MDGA2: variants seen among roughly 807,000 people sequenced by gnomAD.
MDGA2 encodes MAM domain containing glycosylphosphatidylinositol anchor 2.
A neutral mutation model predicts 117.8 loss-of-function variants in MDGA2; 40 were observed. That is an observed-to-expected ratio of 0.34 (90% CI 0.26 to 0.44). MDGA2 has a LOEUF of 0.44. Among genes scored for constraint, MDGA2 ranks in the 20% least tolerant of loss-of-function variants. The pLI is 1.00. For missense variants in MDGA2, 1,123 were observed against 1,250.6 expected (o/e 0.90, Z 1.54); for synonymous variants, 452 against 439.0 (o/e 1.03, Z -0.37).
At position 47,254,311 on chromosome 14, in the gene MDGA2, T is replaced by C. The variant is rs114745773; in HGVS notation, c.421-36116A>G. On this transcript the variant is annotated intron_variant, in intron 2 of 16. Transcript: ENST00000399232. ...TGTCAGGGTGCAAATTTTCCAAAAT[T>C]TTATGCTGTGTTTCCTCTTGAATGC... Among the ~76,000 whole-genome samples the C allele has an allele frequency of 4.0e-3, 604 of 152,294 alleles. 7 individuals are homozygous for C. Among genetic ancestry groups the C allele is most frequent in the African/African-American group, 0.014 (591 of 41,578 alleles).
chr14:47,189,964 C>T (rs1157648863), intron 3 of MDGA2, among the ~76,000 whole-genome samples: 5 of 152,130 alleles, frequency 3.3e-5, no homozygotes, highest in Non-Finnish European at 7.4e-5. Flanking sequence ...CTTTTGATTA[C>T]TTCTCCAGAA....
chr14:47,652,523 C>T (rs1288832871), intron 1 of MDGA2, among the ~76,000 whole-genome samples: 1 of 152,024 alleles, frequency 6.6e-6, no homozygotes, highest in Non-Finnish European at 1.5e-5. Context: ...CTGATTTGTT[C>T]AAGTTATAAT....
Position 47,256,329 on chromosome 14 carries a change from C to T in MDGA2, c.421-38134G>A, listed in dbSNP as rs984276793. ...TCAAAAAATAAAATATTCAATATGC[C>T]TGCCCCTAAATGTCTTTCCGTCACT... On this transcript the variant is annotated intron_variant, in intron 2 of 16. Coordinates refer to ENST00000399232, the MANE Select transcript of MDGA2 (RefSeq NM_001113498.3). 4.7e-4 allele frequency among the ~76,000 whole-genome samples: 71 copies of T among 151,968 alleles called. 1 individual carries two copies. Among genetic ancestry groups the T allele is most frequent in the African/African-American group, 1.6e-3 (67 of 41,358 alleles).
At chr14:47,287,821 G>A (rs1888739356) in intron 2 of MDGA2, among the ~76,000 whole-genome samples, 1 of 152,094 alleles carries the variant, frequency 6.6e-6, no homozygotes, top group Non-Finnish European at 1.5e-5. Flanking sequence ...GGAATAGAGT[G>A]AGCCCTTAAT....
At chr14:47,285,028 T>C (rs1434402848) in intron 2 of MDGA2, among the ~76,000 whole-genome samples, 1 of 152,192 alleles carries the variant, frequency 6.6e-6, no homozygotes, top group Non-Finnish European at 1.5e-5. Flanking sequence ...TTACCAACTC[T>C]ATTAACTAAC....
intron 7 of MDGA2, among the ~76,000 whole-genome samples, chr14:47,037,237 G>A (rs1888887847): frequency 6.6e-6 from 1 of 152,176 alleles, no homozygotes; most frequent in African/African-American, 2.4e-5. Context: ...CCTACTATGT[G>A]ACAGGCACAA....
At chr14:47,102,052 T>G (rs1358015491) in intron 5 of MDGA2, among the ~76,000 whole-genome samples, 1 of 152,134 alleles carries the variant, frequency 6.6e-6, no homozygotes. Flanking sequence ...TGCCGCTACC[T>G]AACATAATAG....
chr14:46,949,337 G>A (rs768793762), intron 9 of MDGA2, among the ~76,000 whole-genome samples: 8 of 151,936 alleles, frequency 5.3e-5, no homozygotes, highest in Non-Finnish European at 4.4e-5. Flanking sequence ...GCTGTAATTT[G>A]ATACTGTGAT....
intron 1 of MDGA2, among the ~76,000 whole-genome samples, chr14:47,560,250 T>G (rs1440543595): frequency 2.0e-5 from 3 of 151,956 alleles, no homozygotes; most frequent in Non-Finnish European, 4.4e-5. Context: ...TTTTTGCATT[T>G]TTAGTAGAAA....
At chr14:46,923,103 G>A (rs1173977054) in intron 9 of MDGA2, among the ~76,000 whole-genome samples, 7 of 152,142 alleles carry the variant, frequency 4.6e-5, no homozygotes, top group Admixed American at 4.6e-4. Flanking sequence ...ATGATCTTGT[G>A]AGTAATATGA....
chr14:47,656,553 T>A (rs1187727526), intron 1 of MDGA2, among the ~76,000 whole-genome samples: 9 of 152,158 alleles, frequency 5.9e-5, no homozygotes, highest in Admixed American at 3.3e-4. Flanking sequence ...CATAGTCTTA[T>A]TGGCAGCAGT....
At chr14:46,981,171 A>AGT (rs71448149) in intron 8 of MDGA2, among the ~76,000 whole-genome samples, 1 of 150,902 alleles carries the variant, frequency 6.6e-6, no homozygotes, top group Non-Finnish European at 1.5e-5. Context: ...TGGGAGGCCA[A>AGT]GGGGGGGGCG....
chr14:47,473,805 T>C (rs1035371682), intron 1 of MDGA2, among the ~76,000 whole-genome samples: 12 of 152,070 alleles, frequency 7.9e-5, no homozygotes, highest in South Asian at 6.2e-4. Context: ...ATAAACTAGA[T>C]ATTGAAAGAA....
chr14:47,133,884 C>A (rs1235468967), intron 4 of MDGA2, among the ~76,000 whole-genome samples: 1 of 151,922 alleles, frequency 6.6e-6, no homozygotes, highest in Non-Finnish European at 1.5e-5. Context: ...ATGCTCTAAA[C>A]CCTACAATCA....
rs1293664743 is a variant in MDGA2, at chr14:46,906,566, T to C, written c.2238+13446A>G. ...ATTATGCACAAGTTCTGTTTAAAAT[T>C]TGGTAAGATTTCACTATTCTATCAC... On this transcript the variant is annotated intron_variant, in intron 10 of 16. Transcript: ENST00000399232. Among the ~76,000 whole-genome samples, 8 of 152,246 alleles carry C rather than the reference T, an allele frequency of 5.3e-5. No individual in the cohort carries two copies. The East Asian group carries it at 1.5e-3, about 29-fold the overall frequency.
intron 2 of MDGA2, among the ~76,000 whole-genome samples, chr14:47,298,612 G>A (rs1889157390): frequency 6.6e-6 from 1 of 151,796 alleles, no homozygotes; most frequent in Non-Finnish European, 1.5e-5. Context: ...TGGCCGGGAT[G>A]CCAGGGCCCA....
chr14:47,591,444 T>C (rs1351282364), intron 1 of MDGA2, among the ~76,000 whole-genome samples: 1 of 152,150 alleles, frequency 6.6e-6, no homozygotes, highest in Non-Finnish European at 1.5e-5. Flanking sequence ...TAACTCATTT[T>C]ATGAAGCCAG....
At chr14:47,348,079 G>C (rs2138340695) in intron 1 of MDGA2, among the ~76,000 whole-genome samples, 1 of 151,752 alleles carries the variant, frequency 6.6e-6, no homozygotes, top group Non-Finnish European at 1.5e-5. Context: ...AAAGAGAAAA[G>C]TTTAGCTGCA....
At chr14:47,247,826 G>T (rs904748302) in intron 2 of MDGA2, among the ~76,000 whole-genome samples, 2 of 150,994 alleles carry the variant, frequency 1.3e-5, no homozygotes, top group Non-Finnish European at 3.0e-5. Flanking sequence ...CCCGACGTGT[G>T]ATGTTCCCCT....
Sources: allele counts gnomAD v4.1 joint callset (sites outside exome capture counted in the v4.1 genomes callset), GRCh38; gene constraint gnomAD v4.1.1; transcripts MANE v1.5; gene names NCBI Gene and HGNC (gene_info 2026-07-23, HGNC 2026-07-21).